The following ATP4A variants were observed in gnomAD, a reference collection of about 807,000 sequenced individuals.
ATP4A encodes potassium-transporting ATPase alpha chain 1.
In ATP4A, 73 loss-of-function variants were observed where a neutral mutation model predicts 112.1. The ratio of observed to expected loss-of-function variants is 0.65; its 90% CI spans 0.54 to 0.79. The LOEUF (loss-of-function observed/expected upper bound fraction) is 0.79. ATP4A is among the 30% of genes least tolerant of loss of function. The pLI, the probability that ATP4A is intolerant of heterozygous loss-of-function variation, is 0.00. For synonymous variants in ATP4A, 588 were observed against 588.9 expected, an observed-to-expected ratio of 1.00 and a Z score of 0.02; for missense variants, 1,081 against 1,425.9, an observed-to-expected ratio of 0.76 and a Z score of 3.90.
chr19:35,557,509 GA>G lies in ATP4A; in HGVS notation c.1693+145del, dbSNP rs942771207. The G allele has an allele frequency of 4.0e-6, 4 of 1,001,250 alleles. No homozygotes were observed. In the African/African-American group the frequency reaches 4.9e-5, roughly 12 times the overall value. The allele number at this position is 1,001,250 out of a possible 1,614,324, so 62.0% of individuals were successfully genotyped here. A position where few individuals can be genotyped will look rare whatever the true frequency, so the allele number is the denominator to read the frequency against. ...AGACAGGGGTCAGGACTGGTACAGG[GA>G]AAGTCAAGGGTGAGGCTGTGGACTG... is the stretch of plus-strand genomic sequence containing the variant. On this transcript the variant is annotated intron_variant, in intron 11 of 21. Transcript: ENST00000262623. This position sits in a 1 kb window ranked among gnomAD's most constrained non-coding sequence, Gnocchi z 4.4.
chr19:35,562,380 T>C (rs1422473145), intron 4 of ATP4A, 55 bp downstream of exon 4: 1 of 1,572,622 alleles, frequency 6.4e-7, no homozygotes, highest in Non-Finnish European at 8.7e-7. Context: ...CCAGGCTCAG[T>C]GTCTTCCATC....
At chr19:35,562,175 G>A (rs1024465019) in intron 4 of ATP4A, among the ~76,000 whole-genome samples, 23 of 152,024 alleles carry the variant, frequency 1.5e-4, no homozygotes, top group South Asian at 2.1e-4. Flanking sequence ...CATCTCTTAC[G>A]TATCACATTG....
rs1316125887 is a variant in ATP4A, at chr19:35,555,427, C to T, written c.2157+13G>A. ...TGTCTGCCCGCCTGCCCACCCTCATCAGCAGGGCTCACCAGCCGCTGGCAG... is the reference window on the plus strand; with the variant it reads ...TGTCTGCCCGCCTGCCCACCCTCATTAGCAGGGCTCACCAGCCGCTGGCAG... On this transcript the variant is annotated intron_variant, in intron 14 of 21. Transcript: ENST00000262623. This position sits in a 1 kb window ranked among gnomAD's most constrained non-coding sequence, Gnocchi z 6.6. 1 of 1,610,382 alleles carries T rather than the reference C, an allele frequency of 6.2e-7. No homozygotes were observed. The highest frequency in any genetic ancestry group is 1.1e-5 in the South Asian group (1 of 90,610).
At chr19:35,556,127 T>C (rs2071630328) in intron 12 of ATP4A, among the ~76,000 whole-genome samples, 1 of 152,148 alleles carries the variant, frequency 6.6e-6, no homozygotes, top group African/African-American at 2.4e-5. Context: ...AGGTGATATC[T>C]GAGCAGAGAC....
At position 35,555,416 on chromosome 19, in the gene ATP4A, C is replaced by T; in HGVS notation, c.2157+24G>A. The T allele has an allele frequency of 6.2e-7, 1 of 1,607,736 alleles. No homozygotes were observed. The highest frequency in any genetic ancestry group is 8.5e-7 in the Non-Finnish European group (1 of 1,176,150). On this transcript the variant is annotated intron_variant, in intron 14 of 21. Coordinates refer to ENST00000262623, the MANE Select transcript of ATP4A (RefSeq NM_000704.3). This position sits in a 1 kb window ranked among gnomAD's most constrained non-coding sequence, Gnocchi z 6.6. Reference sequence around the variant, plus strand: ...CCAGCCCCGCCTGTCTGCCCGCCTGCCCACCCTCATCAGCAGGGCTCACCA... The same window carrying T: ...CCAGCCCCGCCTGTCTGCCCGCCTGTCCACCCTCATCAGCAGGGCTCACCA...
chr19:35,558,114 C>A lies in ATP4A; in HGVS notation c.1500+248G>T. ...TTAGGGTGCGGAGTTGGGCTGGGGG[C>A]GGATTTGGAGAGCGAGGTGCTCCCC... On this transcript the variant is annotated intron_variant, in intron 10 of 21. Transcript: ENST00000262623. The surrounding 1 kb of genome is among the most constrained non-coding windows in gnomAD (Gnocchi z 5.1). 1.6e-6 allele frequency: 1 copy of A among 625,522 alleles called. No homozygotes were observed. The highest frequency in any genetic ancestry group is 1.9e-5 in the African/African-American group (1 of 53,526). 38.7% of individuals were successfully genotyped at this position (625,522 alleles called of 1,614,324 possible). A position where few individuals can be genotyped will look rare whatever the true frequency, so the allele number is the denominator to read the frequency against.
Position 35,550,754 on chromosome 19 carries a change from A to G in ATP4A, c.3079+80T>C, listed in dbSNP as rs1003119328. On this transcript the variant is annotated intron_variant, in intron 21 of 21. Coordinates refer to ENST00000262623, the MANE Select transcript of ATP4A (RefSeq NM_000704.3). The surrounding 1 kb of genome is among the most constrained non-coding windows in gnomAD (Gnocchi z 4.1). ...ATGGAGGGTCAAGGGCTTAGAGGCC[A>G]AGTGTTGAGGATCAAAGGTGGGTGC... is the stretch of plus-strand genomic sequence containing the variant. The G allele has an allele frequency of 3.1e-6, 5 of 1,608,150 alleles. No homozygotes were observed. In the African/African-American group the frequency reaches 6.7e-5, roughly 22 times the overall value.
chr19:35,553,502 G>A (rs2071613395), intron 17 of ATP4A, among the ~76,000 whole-genome samples: 1 of 152,190 alleles, frequency 6.6e-6, no homozygotes, highest in South Asian at 2.1e-4. Flanking sequence ...GTCATGGAGA[G>A]CAAGGTCAGA....
At position 35,560,193 on chromosome 19, in the gene ATP4A, GAC is replaced by G. The variant is rs2071660208; in HGVS notation, c.788-122_788-121del. 1.4e-5 allele frequency: 21 copies of G among 1,521,578 alleles called. No individual in the cohort carries two copies. The highest frequency in any genetic ancestry group is 1.7e-5 in the Non-Finnish European group (19 of 1,123,298). 94.3% of individuals were successfully genotyped at this position (1,521,578 alleles called of 1,614,324 possible). On this transcript the variant is annotated intron_variant, in intron 6 of 21. Coordinates refer to ENST00000262623, the MANE Select transcript of ATP4A (RefSeq NM_000704.3). The surrounding 1 kb of genome is among the most constrained non-coding windows in gnomAD (Gnocchi z 5.1). ...AGGATGTGACCTGGGAGAGGGTAGT[GAC>G]AGTGGGAGACAGAGAAGCAGTGTGC...
rs2071660941 is a variant in ATP4A at position 35,560,299 on chromosome 19, G to A, written c.787+64C>T. 17 of 1,599,952 alleles carry A rather than the reference G, an allele frequency of 1.1e-5. No individual in the cohort carries two copies. Among genetic ancestry groups the A allele is most frequent in the Admixed American group, 1.7e-5 (1 of 59,568 alleles). On this transcript the variant is annotated intron_variant, in intron 6 of 21. Transcript: ENST00000262623. This position sits in a 1 kb window ranked among gnomAD's most constrained non-coding sequence, Gnocchi z 5.1. ...GAGGCTGAAGCCCCCTGTCCTAGAA[G>A]ATAGCAGGAGAGAGGCCAGTGGAGG...
intron 4 of ATP4A, among the ~76,000 whole-genome samples, chr19:35,561,342 A>C (rs2071669629): frequency 6.6e-6 from 1 of 150,926 alleles, no homozygotes; most frequent in African/African-American, 2.4e-5. Flanking sequence ...CCGTGTCTCC[A>C]GTTTCACATC....
In ATP4A at chr19:35,551,496, G is replaced by A. The variant is rs1277801129; in HGVS notation, c.2836C>T (p.Leu946Phe). ...GAGAGACGGCGCGTCTTGCGGATGA[G>A]GACATCGGCGATCTGGCACACCTCA... ...SIEVCQIADV[L>F]IRKTRRLSAF... The change falls in exon 19 of 22, where the codon CTC becomes TTC. Residue 946 changes from leucine to phenylalanine, a missense_variant. Coordinates refer to ENST00000262623, the MANE Select transcript of ATP4A (RefSeq NM_000704.3). This position sits in a 1 kb window ranked among gnomAD's most constrained non-coding sequence, Gnocchi z 5.2. 8.7e-6 allele frequency: 14 copies of A among 1,614,006 alleles called. No individual in the cohort carries two copies. Among genetic ancestry groups the A allele is most frequent in the African/African-American group, 8.0e-5 (6 of 74,908 alleles).
Position 35,557,883 on chromosome 19 carries a change from G to A in ATP4A, c.1501-36C>T, listed in dbSNP as rs1300744605. The stretch of plus-strand genomic sequence containing the variant: ...GGGGGAGAGGCGAGGCTGTGGACGG[G>A]GGAACGGGGCGGGGCTGTGGACGAG... On this transcript the variant is annotated intron_variant, in intron 10 of 21. Coordinates refer to ENST00000262623, the MANE Select transcript of ATP4A (RefSeq NM_000704.3). The surrounding 1 kb of genome is among the most constrained non-coding windows in gnomAD (Gnocchi z 4.4). The A allele has an allele frequency of 1.7e-6, 2 of 1,177,738 alleles. No homozygotes were observed. The highest frequency in any genetic ancestry group is 2.7e-5 in the East Asian group (1 of 36,500). 73.0% of individuals were successfully genotyped at this position (1,177,738 alleles called of 1,614,324 possible).
Position 35,550,568 on chromosome 19 carries a change from C to T in ATP4A, c.*47G>A. 6.2e-7 allele frequency: 1 copy of T among 1,611,664 alleles called. No individual in the cohort carries two copies. The highest frequency in any genetic ancestry group is 1.1e-5 in the South Asian group (1 of 91,008). ...TCCAGAGGGTCCCACGAGCCCTGCC[C>T]CCACCTGCTGTGGCAGTTGCAGGGA... is the stretch of plus-strand genomic sequence containing the variant. On this transcript the variant is annotated 3_prime_UTR_variant, in exon 22 of 22. Transcript: ENST00000262623. This position sits in a 1 kb window ranked among gnomAD's most constrained non-coding sequence, Gnocchi z 4.1.
rs1211553349 is a variant in ATP4A, at chr19:35,558,510, C to A, written c.1366-14G>T. 1.3e-6 allele frequency: 2 copies of A among 1,591,766 alleles called. No individual in the cohort carries two copies. Among genetic ancestry groups the A allele is most frequent in the Non-Finnish European group, 1.7e-6 (2 of 1,170,070 alleles). On this transcript the variant is annotated splice_polypyrimidine_tract_variant and intron_variant, in intron 9 of 21. Coordinates refer to ENST00000262623, the MANE Select transcript of ATP4A (RefSeq NM_000704.3). The surrounding 1 kb of genome is among the most constrained non-coding windows in gnomAD (Gnocchi z 5.1). ...AATCACGATGCGCTGGGAGCGGGGACCGGTGTCAGGGGCGAAGCCGGCTAC... is the reference window on the plus strand; with the variant it reads ...AATCACGATGCGCTGGGAGCGGGGAACGGTGTCAGGGGCGAAGCCGGCTAC...
chr19:35,555,547 T>A lies in ATP4A; in HGVS notation c.2050A>T (p.Met684Leu), dbSNP rs1036467168. The A allele has an allele frequency of 6.3e-7, 1 of 1,594,662 alleles. No individual in the cohort carries two copies. The highest frequency in any genetic ancestry group is 8.6e-7 in the Non-Finnish European group (1 of 1,166,508). ...CVINGMQLKD[M>L]DPSELVEALR... is the part of the protein sequence containing the mutation. ...GCCTCGACCAGTTCCGATGGGTCCATGTCCTTCAGCTGCATGCCATTGATC... is the reference window on the plus strand; with the variant it reads ...GCCTCGACCAGTTCCGATGGGTCCAAGTCCTTCAGCTGCATGCCATTGATC... The change falls in exon 14 of 22, where the codon ATG becomes TTG. Residue 684 changes from methionine (M) to leucine (L), a missense_variant. Transcript: ENST00000262623. The surrounding 1 kb of genome is among the most constrained non-coding windows in gnomAD (Gnocchi z 6.6).
rs1273313495 is a variant in ATP4A at position 35,560,262 on chromosome 19, G to A, written c.787+101C>T. 7.7e-6 allele frequency: 12 copies of A among 1,563,634 alleles called. No individual in the cohort carries two copies. The highest frequency in any genetic ancestry group is 2.2e-4 in the Middle Eastern group (1 of 4,516). ...TCACGGGGAGGTGGCAGTCATGCAG[G>A]AGAGAGACAGGGAGGCTGAAGCCCC... On this transcript the variant is annotated intron_variant, in intron 6 of 21. Coordinates refer to ENST00000262623, the MANE Select transcript of ATP4A (RefSeq NM_000704.3). This position sits in a 1 kb window ranked among gnomAD's most constrained non-coding sequence, Gnocchi z 5.1.
chr19:35,551,228 G>T lies in ATP4A; in HGVS notation c.2886-117C>A. 8.3e-7 allele frequency: 1 copy of T among 1,208,602 alleles called. No individual in the cohort carries two copies. Among genetic ancestry groups the T allele is most frequent in the Non-Finnish European group, 1.2e-6 (1 of 848,626 alleles). The allele number at this position is 1,208,602 out of a possible 1,614,324, so 74.9% of individuals were successfully genotyped here. A position where few individuals can be genotyped will look rare whatever the true frequency, so the allele number is the denominator to read the frequency against. On this transcript the variant is annotated intron_variant, in intron 19 of 21. Coordinates refer to ENST00000262623, the MANE Select transcript of ATP4A (RefSeq NM_000704.3). This position sits in a 1 kb window ranked among gnomAD's most constrained non-coding sequence, Gnocchi z 5.2. Reference sequence around the variant, plus strand: ...GCAGCAGGGAGGTGTTCTACACACTGAACACTGGAGTGGCCCGGGCCTCTC... The same window carrying T: ...GCAGCAGGGAGGTGTTCTACACACTTAACACTGGAGTGGCCCGGGCCTCTC...
rs932387885 is a variant in ATP4A, at chr19:35,559,387, C to T, written c.1057-196G>A. ...GTTTGGGACTCCTTCCCCAGTCTGC[C>T]CAGATACAGTAGCGAGGCCCCTCTC... On this transcript the variant is annotated intron_variant, in intron 7 of 21. Transcript: ENST00000262623. The surrounding 1 kb of genome is among the most constrained non-coding windows in gnomAD (Gnocchi z 4.1). 6.6e-6 allele frequency among the ~76,000 whole-genome samples: 1 copy of T among 152,220 alleles called. No homozygotes were observed. The highest frequency in any genetic ancestry group is 1.5e-5 in the Non-Finnish European group (1 of 68,040).
Sources: gnomAD v4.1 joint callset for allele counts (sites outside exome capture counted in the v4.1 genomes callset) on GRCh38, gnomAD v4.1.1 for gene constraint, Gnocchi (gnomAD v3.1) non-coding constraint, MANE v1.5 for transcripts, NCBI Gene and HGNC (gene_info 2026-07-23, HGNC 2026-07-21) for gene names.